CDKAL1: variants seen among roughly 807,000 people sequenced by gnomAD.
CDKAL1 encodes CDKAL1 threonylcarbamoyladenosine tRNA methylthiotransferase, also known as threonylcarbamoyladenosine tRNA methylthiotransferase.
CDKAL1 carries 32 observed loss-of-function variants against 68.2 expected under a neutral mutation model. The observed-to-expected ratio is 0.47, with a 90% confidence interval of 0.35 to 0.63. The LOEUF (loss-of-function observed/expected upper bound fraction) is 0.63, where lower values mean the gene tolerates loss of function less well. Ranked by LOEUF, CDKAL1 falls within the 30% of genes least tolerant of loss-of-function variation. The pLI, the probability that CDKAL1 is intolerant of heterozygous loss-of-function variation, is 0.00. For missense variants in CDKAL1, 606 were observed against 696.7 expected (o/e 0.87, Z 1.47); for synonymous variants, 234 against 244.3 (o/e 0.96, Z 0.39).
chr6:20,686,086 T>G (rs1461544604), intron 5 of CDKAL1, among the ~76,000 whole-genome samples: 1 of 16,488 alleles, frequency 6.1e-5, no homozygotes, highest in Non-Finnish European at 1.2e-4. Context: ...GTTTTAAGGT[T>G]TTTTTTTTTT....
chr6:20,973,373 G>A (rs1765686871), intron 10 of CDKAL1, among the ~76,000 whole-genome samples: 1 of 152,146 alleles, frequency 6.6e-6, no homozygotes, highest in Non-Finnish European at 1.5e-5. Context: ...GATAGGGTAA[G>A]CCAAAGTCAA....
At chr6:21,229,592 C>T (rs1488824645) in intron 15 of CDKAL1, among the ~76,000 whole-genome samples, 1 of 152,198 alleles carries the variant, frequency 6.6e-6, no homozygotes, top group Non-Finnish European at 1.5e-5. Flanking sequence ...CATGGTTGTT[C>T]AAAGATACTT....
chr6:21,173,069 T>G (rs1313460748), intron 13 of CDKAL1, among the ~76,000 whole-genome samples: 1 of 151,698 alleles, frequency 6.6e-6, no homozygotes, highest in Admixed American at 6.6e-5. Context: ...CAGTATTAAT[T>G]TTTTGTAAAT....
intron 7 of CDKAL1, among the ~76,000 whole-genome samples, chr6:20,762,031 T>C (rs149910614): frequency 1.3e-5 from 2 of 152,306 alleles, no homozygotes; most frequent in East Asian, 3.9e-4. Context: ...CAGTGATATA[T>C]AGAAACTGTA....
At chr6:20,756,847 C>CCTTT (rs1774201050) in intron 6 of CDKAL1, 2 of 125,626 alleles carry the variant, frequency 1.6e-5, no homozygotes, top group Admixed American at 7.9e-5. Flanking sequence ...TTTCTTCCTT[C>CCTTT]CTTCTCCCCT....
At chr6:20,732,332 A>G (rs1486220955) in intron 5 of CDKAL1, among the ~76,000 whole-genome samples, 5 of 133,528 alleles carry the variant, frequency 3.7e-5, no homozygotes, top group African/African-American at 1.2e-4. Context: ...GCTGGAGTGC[A>G]GTGGCACCAT....
intron 13 of CDKAL1, among the ~76,000 whole-genome samples, chr6:21,175,954 A>C (rs1777555639): frequency 6.6e-6 from 1 of 152,226 alleles, no homozygotes; most frequent in Non-Finnish European, 1.5e-5. Context: ...TGGCCTTTGG[A>C]GCCAGACTCC....
chr6:21,177,541 T>C (rs1262096548), intron 13 of CDKAL1, among the ~76,000 whole-genome samples: 1 of 152,174 alleles, frequency 6.6e-6, no homozygotes. Flanking sequence ...TAAAAATGAA[T>C]ACATTAAGAA....
chr6:20,809,006 T>C (rs1425132027), intron 8 of CDKAL1, among the ~76,000 whole-genome samples: 1 of 152,214 alleles, frequency 6.6e-6, no homozygotes, highest in African/African-American at 2.4e-5. Context: ...TAAATCTTTT[T>C]TGAAGGCAAA....
chr6:20,962,045 C>T (rs1234233754), intron 10 of CDKAL1, among the ~76,000 whole-genome samples: 1 of 152,236 alleles, frequency 6.6e-6, no homozygotes, highest in Admixed American at 6.5e-5. Flanking sequence ...TTACTTACAA[C>T]CTGCGCCAGA....
chr6:21,203,215 ATTTTTTTTTTTTTTTTTTTTTT>A (rs371165972), intron 15 of CDKAL1, among the ~76,000 whole-genome samples: 1 of 47,090 alleles, frequency 2.1e-5, no homozygotes, highest in Non-Finnish European at 3.8e-5. Flanking sequence ...ATCCTGGCTA[ATTTTTTTTTTTTTTTTTTTTTT>A]TTTTTTTTTT....
chr6:20,816,233 A>G (rs1777042202), intron 8 of CDKAL1, among the ~76,000 whole-genome samples: 1 of 151,998 alleles, frequency 6.6e-6, no homozygotes, highest in African/African-American at 2.4e-5. Context: ...CTGTTTTCAA[A>G]TAAAGTCACA....
At chr6:21,221,922 C>T (rs1779552028) in intron 15 of CDKAL1, among the ~76,000 whole-genome samples, 1 of 152,150 alleles carries the variant, frequency 6.6e-6, no homozygotes, top group Non-Finnish European at 1.5e-5. Flanking sequence ...TTTTTTGATA[C>T]GATTATCTCT....
At chr6:21,102,397 GCGT>G (rs1186674646) in intron 12 of CDKAL1, among the ~76,000 whole-genome samples, 3 of 152,170 alleles carry the variant, frequency 2.0e-5, no homozygotes, top group African/African-American at 4.8e-5. Context: ...ACCTGCCTTA[GCGT>G]CGTCCACATC....
intron 12 of CDKAL1, among the ~76,000 whole-genome samples, chr6:21,070,644 A>G (rs1379369443): frequency 1.3e-5 from 2 of 151,844 alleles, no homozygotes; most frequent in Non-Finnish European, 2.9e-5. Context: ...TTCTTCAGAT[A>G]TATATTCTAC....
At chr6:21,167,476 A>G (rs1335696538) in intron 13 of CDKAL1, among the ~76,000 whole-genome samples, 2 of 152,202 alleles carry the variant, frequency 1.3e-5, no homozygotes, top group Non-Finnish European at 2.9e-5. Flanking sequence ...CCTATCCAAC[A>G]ATAGCCACTT....
intron 14 of CDKAL1, 72 bp from the exon 15 acceptor site, chr6:21,201,038 A>G: frequency 7.3e-7 from 1 of 1,371,432 alleles, no homozygotes; most frequent in African/African-American, 1.5e-5. Flanking sequence ...CAATAATTCT[A>G]TAAATCTGAA....
At chr6:20,753,184 C>A (rs1357112081) in intron 6 of CDKAL1, among the ~76,000 whole-genome samples, 3 of 152,184 alleles carry the variant, frequency 2.0e-5, no homozygotes, top group Non-Finnish European at 4.4e-5. Flanking sequence ...TCTCCCTCTG[C>A]CCATCCAAAG....
chr6:21,118,110 AC>A (rs1305388754), intron 13 of CDKAL1, among the ~76,000 whole-genome samples: 1 of 152,086 alleles, frequency 6.6e-6, no homozygotes, highest in Non-Finnish European at 1.5e-5. Context: ...ATCTCTCCCT[AC>A]CCCCCAGAAG....
Sources: gnomAD v4.1 joint callset for allele counts (sites outside exome capture counted in the v4.1 genomes callset) on GRCh38, gnomAD v4.1.1 for gene constraint, MANE v1.5 for transcripts, NCBI Gene and HGNC (gene_info 2026-07-23, HGNC 2026-07-21) for gene names.